SYDE2: variants seen among roughly 807,000 people sequenced by gnomAD.
SYDE2 encodes rho GTPase-activating protein SYDE2.
Under a neutral mutation model 91.5 loss-of-function variants are expected in SYDE2, and 76 were observed. The observed-to-expected ratio is 0.83, with a 90% CI of 0.69 to 1.01. SYDE2 has a LOEUF of 1.01. SYDE2 is among the 50% of genes least tolerant of loss of function. The pLI is 0.00. For missense variants in SYDE2, 1,364 were observed against 1,367.7 expected, an observed-to-expected ratio of 1.00 and a Z score of 0.04; for synonymous variants, 513 against 506.4, an observed-to-expected ratio of 1.01 and a Z score of -0.18.
chr1:85,170,191 C>T (rs961017328), intron 4 of SYDE2, among the ~76,000 whole-genome samples: 10 of 149,692 alleles, frequency 6.7e-5, no homozygotes, highest in Non-Finnish European at 1.3e-4. Context: ...ACCTCAAACT[C>T]CTAGGCTCAA....
Position 85,164,865 on chromosome 1 carries a change from T to C in SYDE2, c.2854-108A>G, listed in dbSNP as rs1657206315. ...CATCTTGTCACTTTTAAAAGGATTT[T>C]TTTTAAAGATTTGCGTATAAATTGG... On this transcript the variant is annotated intron_variant, in intron 5 of 6. Coordinates refer to ENST00000341460, the MANE Select transcript of SYDE2 (RefSeq NM_032184.2). 7.9e-6 allele frequency: 5 copies of C among 634,704 alleles called. No homozygotes were observed. The South Asian group carries it at 2.6e-4, about 33-fold the overall frequency. 39.3% of individuals were successfully genotyped at this position (634,704 alleles called of 1,614,324 possible).
At chr1:85,189,285 C>G (rs958097547) in intron 2 of SYDE2, among the ~76,000 whole-genome samples, 1 of 152,166 alleles carries the variant, frequency 6.6e-6, no homozygotes, top group East Asian at 1.9e-4. Context: ...AAGGGACTTA[C>G]TTCTACTTCT....
chr1:85,179,632 G>C (rs1386527986), intron 3 of SYDE2, among the ~76,000 whole-genome samples: 2 of 152,158 alleles, frequency 1.3e-5, no homozygotes, highest in Non-Finnish European at 2.9e-5. Context: ...ATTGAGAATG[G>C]AATGAGTTAT....
downstream of SYDE2, among the ~76,000 whole-genome samples, chr1:85,156,577 A>G (rs543677426): frequency 4.6e-5 from 7 of 152,310 alleles, no homozygotes; most frequent in South Asian, 8.3e-4. Context: ...AGCAGAGTCA[A>G]TAAAAGCAGT....
chr1:85,192,573 A>G (rs1658412435), intron 1 of SYDE2, among the ~76,000 whole-genome samples: 1 of 152,204 alleles, frequency 6.6e-6, no homozygotes, highest in Non-Finnish European at 1.5e-5. Flanking sequence ...AAGGCAAGGA[A>G]GCTCCCATGA....
chr1:85,195,073 T>C (rs907111732), intron 1 of SYDE2, among the ~76,000 whole-genome samples: 20 of 151,426 alleles, frequency 1.3e-4, no homozygotes, highest in Admixed American at 6.6e-5. Context: ...GGCAGGAGAA[T>C]GGCGTGAACC....
intron 6 of SYDE2, among the ~76,000 whole-genome samples, chr1:85,163,350 C>T (rs1227637380): frequency 6.7e-6 from 1 of 149,932 alleles, no homozygotes; most frequent in South Asian, 2.1e-4. Context: ...TTGTGATCCA[C>T]CTGCCTCGGT....
chr1:85,177,105 T>C (rs1302289672), intron 4 of SYDE2, among the ~76,000 whole-genome samples: 1 of 152,120 alleles, frequency 6.6e-6, no homozygotes, highest in East Asian at 1.9e-4. Flanking sequence ...TCCTTTCCTC[T>C]CAATCTCTTT....
intron 4 of SYDE2, among the ~76,000 whole-genome samples, chr1:85,177,762 T>G (rs764395909): frequency 3.3e-5 from 5 of 152,176 alleles, no homozygotes; most frequent in Non-Finnish European, 7.4e-5. Flanking sequence ...TCAAAAAATC[T>G]TAATGGATCC....
intron 4 of SYDE2, among the ~76,000 whole-genome samples, chr1:85,177,520 G>A (rs1160565240): frequency 6.6e-6 from 1 of 152,048 alleles, no homozygotes; most frequent in Non-Finnish European, 1.5e-5. Context: ...AATCAACCAT[G>A]TCTCAAAGTC....
chr1:85,187,544 C>A (rs1318279737), intron 2 of SYDE2, among the ~76,000 whole-genome samples: 1 of 150,066 alleles, frequency 6.7e-6, no homozygotes. Flanking sequence ...ATAAATCATG[C>A]TGCTATAAAG....
intron 6 of SYDE2, among the ~76,000 whole-genome samples, chr1:85,163,463 A>C (rs1296337348): frequency 1.4e-5 from 2 of 140,712 alleles, no homozygotes; most frequent in African/African-American, 5.2e-5. Context: ...ATATATATAT[A>C]TATATATATA....
intron 4 of SYDE2, among the ~76,000 whole-genome samples, chr1:85,170,048 C>T (rs817429): frequency 0.22 from 34,064 of 151,484 alleles, 4,740 homozygotes; most frequent in African/African-American, 0.38. Flanking sequence ...CAATATTGAT[C>T]CAGAACATGC....
chr1:85,165,803 C>A (rs1181731589), intron 5 of SYDE2, among the ~76,000 whole-genome samples: 1 of 146,564 alleles, frequency 6.8e-6, no homozygotes, highest in African/African-American at 2.5e-5. Context: ...AATCATTTAA[C>A]AAAATGAGTA....
At chr1:85,194,458 C>T (rs1404280364) in intron 1 of SYDE2, among the ~76,000 whole-genome samples, 1 of 147,286 alleles carries the variant, frequency 6.8e-6, no homozygotes, top group African/African-American at 2.5e-5. Flanking sequence ...TATAAAAATA[C>T]ATACAATATA....
intron 4 of SYDE2, among the ~76,000 whole-genome samples, chr1:85,177,272 A>G (rs553662735): frequency 6.6e-6 from 1 of 152,276 alleles, no homozygotes; most frequent in Non-Finnish European, 1.5e-5. Flanking sequence ...GTATATTTCC[A>G]ATGCCATACA....
chr1:85,194,837 A>C (rs899474205), intron 1 of SYDE2: 1 of 985,254 alleles, frequency 1.0e-6, no homozygotes, highest in Non-Finnish European at 1.2e-6. Context: ...AAATTTTCCA[A>C]GAAATTATAT....
intron 1 of SYDE2, among the ~76,000 whole-genome samples, chr1:85,195,108 C>T (rs997690315): frequency 7.9e-5 from 12 of 151,508 alleles, no homozygotes; most frequent in East Asian, 3.9e-4. Context: ...TGCATTGAGC[C>T]GAGATCACGC....
rs181221787 is a variant in SYDE2 at position 85,200,331 on chromosome 1, G to A, written c.666C>T (p.Ala222=). 1 of 1,614,004 alleles carries A rather than the reference G, an allele frequency of 6.2e-7. No homozygotes were observed. The highest frequency in any genetic ancestry group is 1.3e-5 in the African/African-American group (1 of 75,054). Residue 222 remains alanine (A), a synonymous_variant, in exon 1 of 7, where the codon GCC becomes GCT. Coordinates refer to ENST00000341460, the MANE Select transcript of SYDE2 (RefSeq NM_032184.2). The part of the protein sequence containing the change: ...TAPKVTGTQA[A]SPNVGALKVR... ...CTTTCAAAGCGCCCACATTTGGGGA[G>A]GCTGCCTGCGTTCCTGTGACTTTGG...
Sources: allele counts gnomAD v4.1 joint callset (sites outside exome capture counted in the v4.1 genomes callset), GRCh38; gene constraint gnomAD v4.1.1; transcripts MANE v1.5; gene names NCBI Gene and HGNC (gene_info 2026-07-23, HGNC 2026-07-21).